TSC22D4: variants seen among roughly 807,000 people sequenced by gnomAD.
TSC22D4 encodes the protein TSC22 domain family protein 4.
In TSC22D4, 5 loss-of-function variants were observed where a neutral mutation model predicts 24.9. That is an observed-to-expected ratio of 0.20 (90% CI 0.10 to 0.42). The LOEUF is 0.42. Among genes scored for constraint, TSC22D4 ranks in the 10% least tolerant of loss-of-function variants. The pLI is 1.00. For missense variants in TSC22D4, 469 were observed against 547.9 expected, an observed-to-expected ratio of 0.86 and a Z score of 1.44; for synonymous variants, 245 against 243.2, an observed-to-expected ratio of 1.01 and a Z score of -0.07.
At chr7:100,467,519 A>G (rs1168424490) in intron 4 of TSC22D4, 33 bp downstream of exon 4, 1 of 1,612,252 alleles carries the variant, frequency 6.2e-7, no homozygotes, top group Non-Finnish European at 8.5e-7. Flanking sequence ...TAAGGGGGCC[A>G]GGACCTCCTG....
chr7:100,466,863 G>C lies in TSC22D4; in HGVS notation c.*96C>G. 6.4e-6 allele frequency: 8 copies of C among 1,247,136 alleles called. No individual in the cohort carries two copies. The highest frequency in any genetic ancestry group is 1.5e-5 in the African/African-American group (1 of 65,886). 77.3% of individuals were successfully genotyped at this position (1,247,136 alleles called of 1,614,324 possible). The stretch of plus-strand genomic sequence containing the variant: ...TTACTGAGCCTTGAACTCCCACCCC[G>C]GGGACACGGGGACATTAAAGCTGCA... On this transcript the variant is annotated 3_prime_UTR_variant, in exon 5 of 5. Coordinates refer to ENST00000300181, the MANE Select transcript of TSC22D4 (RefSeq NM_030935.5).
chr7:100,467,877 C>A (rs755339283), intron 3 of TSC22D4: 4 of 636,510 alleles, frequency 6.3e-6, no homozygotes, highest in South Asian at 6.1e-5. Flanking sequence ...GCCCCGGAGC[C>A]ATCCCCACCA....
At chr7:100,472,695 G>A (rs368911405) in intron 3 of TSC22D4, among the ~76,000 whole-genome samples, 1 of 152,024 alleles carries the variant, frequency 6.6e-6, no homozygotes, top group Non-Finnish European at 1.5e-5. Context: ...AAGCCACCCA[G>A]TCCTGCCCAG....
rs752221402 is a variant in TSC22D4, at chr7:100,467,176, C to T, written c.979-8G>A. ...GTGGGACTTCACCAAGTCCTGGGGG[C>T]CCCGGGACAGGCACAGCGTCAACGG... On this transcript the variant is annotated splice_polypyrimidine_tract_variant and splice_region_variant and intron_variant, in intron 4 of 4. Coordinates refer to ENST00000300181, the MANE Select transcript of TSC22D4 (RefSeq NM_030935.5). The T allele has an allele frequency of 1.9e-5, 30 of 1,613,826 alleles. No individual in the cohort carries two copies. Among genetic ancestry groups the T allele is most frequent in the Non-Finnish European group, 1.9e-5 (22 of 1,179,950 alleles).
At chr7:100,476,165 A>G (rs1186046467) in intron 2 of TSC22D4, among the ~76,000 whole-genome samples, 2 of 148,160 alleles carry the variant, frequency 1.3e-5, no homozygotes, top group African/African-American at 5.0e-5. Flanking sequence ...GTCTGGGGAC[A>G]GGACAGGAAG....
chr7:100,472,949 A>C (rs1374514041), intron 3 of TSC22D4, among the ~76,000 whole-genome samples: 1 of 151,592 alleles, frequency 6.6e-6, no homozygotes, highest in Non-Finnish European at 1.5e-5. Flanking sequence ...ATTTCCTTCC[A>C]AGCAGGAAGT....
intron 3 of TSC22D4, chr7:100,467,871 C>T (rs866749707): frequency 1.2e-4 from 74 of 642,670 alleles, no homozygotes; most frequent in Middle Eastern, 4.9e-4. Flanking sequence ...GGGGCAGCCC[C>T]GGAGCCATCC....
At chr7:100,473,485 A>C (rs1184804794) in intron 3 of TSC22D4, among the ~76,000 whole-genome samples, 1 of 151,418 alleles carries the variant, frequency 6.6e-6, no homozygotes, top group Non-Finnish European at 1.5e-5. Flanking sequence ...TCTGTCACCC[A>C]CGCTGGAGTG....
At position 100,474,475 on chromosome 7, in the gene TSC22D4, A is replaced by G. The variant is rs747983289; in HGVS notation, c.763-35T>C. ...GAGAGGTAGGAACCATCACATGAAA[A>G]GAGAAAAGAAAGGAACCAGCTGCCT... On this transcript the variant is annotated intron_variant, in intron 2 of 4. Coordinates refer to ENST00000300181, the MANE Select transcript of TSC22D4 (RefSeq NM_030935.5). This position sits in a 1 kb window ranked among gnomAD's most constrained non-coding sequence, Gnocchi z 4.3. The G allele has an allele frequency of 1.6e-5, 26 of 1,611,136 alleles. No homozygotes were observed. Among genetic ancestry groups the G allele is most frequent in the Non-Finnish European group, 2.1e-5 (25 of 1,178,760 alleles).
chr7:100,476,063 G>A (rs928403943), intron 2 of TSC22D4, among the ~76,000 whole-genome samples: 1 of 151,880 alleles, frequency 6.6e-6, no homozygotes, highest in Non-Finnish European at 1.5e-5. Context: ...CTGAGAGAGA[G>A]AGGCAGGGTC....
chr7:100,478,348 A>AGTGT (rs1419924992), intron 1 of TSC22D4, 41 bp from the exon 2 acceptor site: 76 of 224,286 alleles, frequency 3.4e-4, no homozygotes, highest in African/African-American at 1.1e-3. Flanking sequence ...AGAGAGAGAG[A>AGTGT]GAGTGTGTGT....
rs373648152 is a variant in TSC22D4 at position 100,466,964 on chromosome 7, C to T, written c.1183G>A (p.Val395Ile). Reference protein sequence around the residue: ...LGPPAPNGPSV With the variant: ...LGPPAPNGPSI ...CATTGTAAGGGAAGGGAGGCTCAGA[C>T]GGAGGGCCCATTGGGCGCAGGGGGC... The change falls in exon 5 of 5, where the codon GTC becomes ATC. Residue 395 changes from valine (V) to isoleucine (I), a missense_variant. Transcript: ENST00000300181. 1.3e-4 allele frequency: 199 copies of T among 1,559,594 alleles called. No individual in the cohort carries two copies. The East Asian group carries it at 1.6e-3, about 13-fold the overall frequency.
chr7:100,477,794 C>A lies in TSC22D4; in HGVS notation c.245G>T (p.Gly82Val). Residue 82 changes from glycine (G) to valine (V), a missense_variant, in exon 2 of 5, where the codon GGA becomes GTA. Physicochemically the swap from Gly to Val is moderately radical, Grantham distance 109 (BLOSUM62 -3). Coordinates refer to ENST00000300181, the MANE Select transcript of TSC22D4 (RefSeq NM_030935.5). The surrounding 1 kb of genome is among the most constrained non-coding windows in gnomAD (Gnocchi z 7.8). ...CCAGCGACCGCGGCGATAAGGCTCT[C>A]CCAGGCCGTGGGGCAGCTTCACCAC... ...FRVVKLPHGL[G>V]EPYRRGRWTC... is the part of the protein sequence containing the mutation. 6.2e-7 allele frequency: 1 copy of A among 1,607,366 alleles called. No individual in the cohort carries two copies.
chr7:100,471,754 AAAAAC>A (rs1346864587), intron 3 of TSC22D4, among the ~76,000 whole-genome samples: 1 of 152,078 alleles, frequency 6.6e-6, no homozygotes, highest in Admixed American at 6.6e-5. Context: ...AGAAAAAAAC[AAAAAC>A]AAAACAAAAA....
intron 3 of TSC22D4, among the ~76,000 whole-genome samples, chr7:100,472,342 G>T (rs918283075): frequency 2.0e-5 from 3 of 150,758 alleles, no homozygotes; most frequent in African/African-American, 4.9e-5. Flanking sequence ...ATCCCCAAGA[G>T]CCTTGGAGCA....
Position 100,467,006 on chromosome 7 carries a change from C to T in TSC22D4, c.1141G>A (p.Gly381Arg). 1 of 1,605,130 alleles carries T rather than the reference C, an allele frequency of 6.2e-7. No homozygotes were observed. The highest frequency in any genetic ancestry group is 8.5e-7 in the Non-Finnish European group (1 of 1,176,110). ...GCAGGGGGCCCAAGCCGTGGGACCC[C>T]CGAGGAGGGCAGCTGAGCCAGCTGC... ...PEQLAQLPSS[G>R]VPRLGPPAPN... Residue 381 changes from glycine to arginine, a missense_variant, in exon 5 of 5, where the codon GGG becomes AGG. Coordinates refer to ENST00000300181, the MANE Select transcript of TSC22D4 (RefSeq NM_030935.5).
At chr7:100,470,189 C>T (rs1340635580) in intron 3 of TSC22D4, among the ~76,000 whole-genome samples, 1 of 152,142 alleles carries the variant, frequency 6.6e-6, no homozygotes, top group African/African-American at 2.4e-5. Flanking sequence ...ATGGGCCCTG[C>T]TGGGCAGAGA....
chr7:100,478,350 A>AGAGAGT lies in TSC22D4; in HGVS notation c.-269-44_-269-43insACTCTC, dbSNP rs1228276528. 6.5e-3 allele frequency: 547 copies of AGAGAGT among 83,764 alleles called. 5 individuals carry two copies. The highest frequency in any genetic ancestry group is 0.017 in the African/African-American group (230 of 13,392). 5.2% of individuals were successfully genotyped at this position (83,764 alleles called of 1,614,324 possible). On this transcript the variant is annotated intron_variant, in intron 1 of 4. Transcript: ENST00000300181. ...GAGAGAGAGAGAGAGAGAGAGAGAG[A>AGAGAGT]GTGTGTGTGTGTGTGTGTGTGTGTG...
chr7:100,469,218 ACT>A (rs1041905422), intron 3 of TSC22D4, among the ~76,000 whole-genome samples: 1 of 146,934 alleles, frequency 6.8e-6, no homozygotes, highest in Non-Finnish European at 1.5e-5. Flanking sequence ...CAAGAGCAAA[ACT>A]CTGTCTTAAA....
Sources: allele counts gnomAD v4.1 joint callset (sites outside exome capture counted in the v4.1 genomes callset), GRCh38; gene constraint gnomAD v4.1.1; non-coding constraint Gnocchi (gnomAD v3.1); transcripts MANE v1.5; gene names NCBI Gene and HGNC (gene_info 2026-07-23, HGNC 2026-07-21).